The following ATP8B1 variants were observed in gnomAD, a reference collection of about 807,000 sequenced individuals.
ATP8B1 encodes ATPase phospholipid transporting 8B1, also known as phospholipid-transporting ATPase IC.
Under a neutral mutation model 149.9 loss-of-function variants are expected in ATP8B1, and 80 were observed. The ratio of observed to expected loss-of-function variants is 0.53; its 90% CI spans 0.45 to 0.64. The LOEUF (loss-of-function observed/expected upper bound fraction) is 0.64, where lower values mean the gene tolerates loss of function less well. ATP8B1 is among the 30% of genes least tolerant of loss of function. ATP8B1 has a pLI of 0.00. For missense variants in ATP8B1, 1,247 were observed against 1,552.6 expected (o/e 0.80, Z 3.31); for synonymous variants, 536 against 562.8 (o/e 0.95, Z 0.67).
rs148189106 is a variant in ATP8B1, at chr18:57,695,467, G to A, written c.764C>T (p.Thr255Ile). 5.0e-6 allele frequency: 8 copies of A among 1,612,440 alleles called. No homozygotes were observed. Among genetic ancestry groups the A allele is most frequent in the Non-Finnish European group, 6.8e-6 (8 of 1,178,552 alleles). The part of the protein sequence containing the change: ...ITDQYLQRED[T>I]LATFDGFIEC... The stretch of plus-strand genomic sequence containing the variant: ...GTACAAACCATCAAATGTAGCCAAT[G>A]TATCTTCTCTTTGGAGGTACTGGTC... The change falls in exon 9 of 28, where the codon ACA becomes ATA. Residue 255 changes from threonine (T) to isoleucine (I), a missense_variant. This residue lies in a region of ATP8B1 where 853 missense variants were observed against 1,035.7 expected (regional missense o/e 0.82). Coordinates refer to ENST00000648908, the MANE Select transcript of ATP8B1 (RefSeq NM_001374385.1).
chr18:57,754,066 G>C (rs1419044898), intron 1 of ATP8B1, among the ~76,000 whole-genome samples: 2 of 149,926 alleles, frequency 1.3e-5, no homozygotes, highest in Non-Finnish European at 3.0e-5. Context: ...GACTTGAGGA[G>C]GCATATTTCT....
rs193145105 is a variant in ATP8B1 at position 57,787,478 on chromosome 18, A to G, written c.-26+15520T>C. On this transcript the variant is annotated intron_variant, in intron 1 of 27. Transcript: ENST00000648908. ...CACTGCGGGAGGAGCTCCATCTAGAACACTGCGGGAGGAGCTCCATCTAGA... is the reference window on the plus strand; with the variant it reads ...CACTGCGGGAGGAGCTCCATCTAGAGCACTGCGGGAGGAGCTCCATCTAGA... Among the ~76,000 whole-genome samples, 28 of 151,696 alleles carry G rather than the reference A, an allele frequency of 1.8e-4. No homozygotes were observed. The East Asian group carries it at 4.3e-3, about 23-fold the overall frequency.
In ATP8B1 at chr18:57,704,582, T is replaced by G. The variant is rs554824409; in HGVS notation, c.366A>C (p.Leu122Phe). The change falls in exon 4 of 28, where the codon TTA becomes TTC. Residue 122 changes from leucine to phenylalanine, a missense_variant. By Grantham distance (22) the Leu-to-Phe change is conservative. Coordinates refer to ENST00000648908, the MANE Select transcript of ATP8B1 (RefSeq NM_001374385.1). ...GTAAGATAAGAAGAGCCAGGAAATA[T>G]AAATTGGCTGCTCTCTTAAACTGCT... is the stretch of plus-strand genomic sequence containing the variant. ...LFEQFKRAAN[L>F]YFLALLILQA... 1 of 1,605,050 alleles carries G rather than the reference T, an allele frequency of 6.2e-7. No homozygotes were observed. Among genetic ancestry groups the G allele is most frequent in the African/African-American group, 1.3e-5 (1 of 74,834 alleles).
chr18:57,718,603 G>A (rs1320339052), intron 2 of ATP8B1, among the ~76,000 whole-genome samples: 2 of 152,126 alleles, frequency 1.3e-5, no homozygotes, highest in African/African-American at 4.8e-5. Context: ...ATTGATGAAT[G>A]TTGATGCAAA....
At chr18:57,740,292 A>G (rs115969945) in intron 1 of ATP8B1, among the ~76,000 whole-genome samples, 2,247 of 152,072 alleles carry the variant, frequency 0.015, 63 homozygotes, top group African/African-American at 0.052. Context: ...TAAAGTTCAC[A>G]AGAAGAAAGA....
intron 1 of ATP8B1, among the ~76,000 whole-genome samples, chr18:57,758,318 C>T (rs2080105270): frequency 7.7e-6 from 1 of 129,478 alleles, no homozygotes; most frequent in South Asian, 2.7e-4. Flanking sequence ...TTACTGTTTT[C>T]TGTTTATCCG....
intron 1 of ATP8B1, among the ~76,000 whole-genome samples, chr18:57,782,312 C>T (rs544430740): frequency 3.9e-5 from 6 of 152,368 alleles, no homozygotes; most frequent in African/African-American, 7.2e-5. Context: ...ACAGCTGCTG[C>T]GTTGCAGACG....
chr18:57,793,984 T>A (rs1035303199), intron 1 of ATP8B1, among the ~76,000 whole-genome samples: 1 of 152,220 alleles, frequency 6.6e-6, no homozygotes, highest in African/African-American at 2.4e-5. Flanking sequence ...AAAGTCTAAA[T>A]GCTCTTAATG....
intron 1 of ATP8B1, among the ~76,000 whole-genome samples, chr18:57,769,870 C>T (rs1285644281): frequency 1.3e-5 from 2 of 152,186 alleles, no homozygotes; most frequent in Non-Finnish European, 2.9e-5. Flanking sequence ...CCATACCAAA[C>T]ATTTAACACA....
intron 2 of ATP8B1, among the ~76,000 whole-genome samples, chr18:57,719,390 C>G (rs1262160784): frequency 1.3e-5 from 2 of 152,178 alleles, no homozygotes; most frequent in South Asian, 4.1e-4. Flanking sequence ...TGGGCGCAGG[C>G]CAGTGGGTGC....
intron 1 of ATP8B1, among the ~76,000 whole-genome samples, chr18:57,800,378 T>G (rs571277905): frequency 6.6e-6 from 1 of 152,282 alleles, no homozygotes; most frequent in African/African-American, 2.4e-5. Flanking sequence ...TTCTGGTACC[T>G]AAAAAGCAAG....
At chr18:57,791,458 C>T (rs2080464130) in intron 1 of ATP8B1, among the ~76,000 whole-genome samples, 1 of 145,330 alleles carries the variant, frequency 6.9e-6, no homozygotes, top group Non-Finnish European at 1.5e-5. Context: ...TCAAGCGATT[C>T]TTGTGTCATA....
intron 4 of ATP8B1, among the ~76,000 whole-genome samples, chr18:57,704,206 G>C (rs750345261): frequency 1.3e-5 from 2 of 152,178 alleles, no homozygotes; most frequent in African/African-American, 4.8e-5. Context: ...CACCCGAGGT[G>C]ATCCACCCGC....
chr18:57,707,068 AGGCCAAGGCGG>A (rs754806069), intron 2 of ATP8B1, among the ~76,000 whole-genome samples: 4 of 152,192 alleles, frequency 2.6e-5, no homozygotes, highest in Non-Finnish European at 5.9e-5. Flanking sequence ...GCACTTTGGG[AGGCCAAGGCGG>A]GTGAATCACG....
intron 1 of ATP8B1, among the ~76,000 whole-genome samples, chr18:57,755,852 G>C (rs1034498540): frequency 2.0e-5 from 3 of 152,032 alleles, no homozygotes; most frequent in Non-Finnish European, 4.4e-5. Flanking sequence ...CATAATTAAC[G>C]GCGCAGCACT....
At chr18:57,698,286 G>C (rs899012606) in intron 6 of ATP8B1, among the ~76,000 whole-genome samples, 1 of 152,028 alleles carries the variant, frequency 6.6e-6, no homozygotes. Context: ...CAGAGTCTTC[G>C]TGGGGCTTCA....
rs1237460591 is a variant in ATP8B1 at position 57,647,324 on chromosome 18, C to T, written c.*1164G>A. The T allele has an allele frequency of 1.3e-5, 2 of 152,072 alleles. No individual in the cohort carries two copies. The highest frequency in any genetic ancestry group is 1.3e-4 in the Admixed American group (2 of 15,250). 9.4% of individuals were successfully genotyped at this position (152,072 alleles called of 1,614,324 possible). On this transcript the variant is annotated 3_prime_UTR_variant, in exon 28 of 28. Transcript: ENST00000648908. ...AAAAGTATGTAATGTGCTATCTCAC[C>T]TAGTAGTAAACTAAAAATAAACTGA... is the stretch of plus-strand genomic sequence containing the variant.
intron 1 of ATP8B1, chr18:57,732,087 A>G (rs1200369441): frequency 3.2e-6 from 1 of 313,124 alleles, no homozygotes; most frequent in Non-Finnish European, 6.0e-6. Context: ...GTATATATAT[A>G]TATGTATGTG....
intron 4 of ATP8B1, 77 bp from the exon 5 acceptor site, chr18:57,701,390 G>T: frequency 1.6e-6 from 2 of 1,282,314 alleles, no homozygotes; most frequent in Non-Finnish European, 2.3e-6. Flanking sequence ...CTAATTCTAA[G>T]CTTGCTAATT....
Sources: gnomAD v4.1 joint callset for allele counts (sites outside exome capture counted in the v4.1 genomes callset) on GRCh38, gnomAD v4.1.1 for gene constraint, gnomAD v4.1.1 regional missense constraint, MANE v1.5 for transcripts, NCBI Gene and HGNC (gene_info 2026-07-23, HGNC 2026-07-21) for gene names.